BEGAIN: variants seen among roughly 807,000 people sequenced by gnomAD.
BEGAIN encodes brain-enriched guanylate kinase-associated protein.
BEGAIN carries 19 observed loss-of-function variants against 35.8 expected under a neutral mutation model. The ratio of observed to expected loss-of-function variants is 0.53; its 90% CI spans 0.37 to 0.78. The LOEUF (loss-of-function observed/expected upper bound fraction) is 0.78. Ranked by LOEUF, BEGAIN falls within the 30% of genes least tolerant of loss-of-function variation. The pLI, the probability that BEGAIN is intolerant of heterozygous loss-of-function variation, is 0.00. For missense variants in BEGAIN, 795 were observed against 853.6 expected, an observed-to-expected ratio of 0.93 and a Z score of 0.85; for synonymous variants, 462 against 388.6, an observed-to-expected ratio of 1.19 and a Z score of -2.22.
intron 3 of BEGAIN, chr14:100,545,316 T>C: frequency 7.4e-7 from 1 of 1,342,544 alleles, no homozygotes; most frequent in Non-Finnish European, 9.6e-7. Flanking sequence ...CGGGACCCCC[T>C]GAAGATGGGA....
chr14:100,538,192 T>C lies in BEGAIN; in HGVS notation c.1616A>G (p.Asp539Gly). 2 of 1,539,040 alleles carry C rather than the reference T, an allele frequency of 1.3e-6. No individual in the cohort carries two copies. Among genetic ancestry groups the C allele is most frequent in the South Asian group, 1.2e-5 (1 of 83,014 alleles). ...CAGCTGCACCCCGAGCCTGTCCCCG[T>C]CCCCCCCCTCGCTGGGTGCATAGCC... The part of the protein sequence containing the change: ...LPGYAPSEGG[D>G]GDRLGVQLCG... Residue 539 changes from aspartate to glycine, a missense_variant, in exon 7 of 7, where the codon GAC (aspartate) becomes GGC (glycine). Transcript: ENST00000554140.
rs1595151813 is a variant in BEGAIN, at chr14:100,577,809, G to C, written c.42+9440C>G. The C allele has an allele frequency of 2.3e-5, 9 of 399,306 alleles. No homozygotes were observed. The East Asian group carries it at 3.2e-4, about 14-fold the overall frequency. 24.7% of individuals were successfully genotyped at this position (399,306 alleles called of 1,614,324 possible). ...CCTTGGGGTTCCGACCTTGGCTGGG[G>C]CTTGGCATGTGGCTTCGAAGGTCCT... On this transcript the variant is annotated intron_variant, in intron 1 of 6. Transcript: ENST00000554140.
chr14:100,565,619 C>T (rs1161120821), intron 2 of BEGAIN, among the ~76,000 whole-genome samples: 1 of 152,164 alleles, frequency 6.6e-6, no homozygotes, highest in African/African-American at 2.4e-5. Context: ...GCAGACTCCA[C>T]AGTCCAGGGG....
intron 2 of BEGAIN, among the ~76,000 whole-genome samples, chr14:100,556,697 C>G (rs1439259866): frequency 1.3e-5 from 2 of 152,234 alleles, no homozygotes; most frequent in African/African-American, 4.8e-5. Context: ...CAGTCAGGGA[C>G]CCAGTGCCTG....
intron 1 of BEGAIN, among the ~76,000 whole-genome samples, chr14:100,584,616 G>A (rs1171562063): frequency 6.6e-6 from 1 of 152,142 alleles, no homozygotes; most frequent in African/African-American, 2.4e-5. Flanking sequence ...AATGATTAAA[G>A]CAATAGAGAC....
chr14:100,576,514 C>T (rs539408938), intron 1 of BEGAIN, among the ~76,000 whole-genome samples: 2 of 152,208 alleles, frequency 1.3e-5, no homozygotes, highest in Non-Finnish European at 2.9e-5. Context: ...GACCCCCTCC[C>T]GGCAGGAAAG....
intron 1 of BEGAIN, among the ~76,000 whole-genome samples, chr14:100,575,589 G>C (rs1595150583): frequency 6.6e-6 from 1 of 152,302 alleles, no homozygotes; most frequent in South Asian, 2.1e-4. Flanking sequence ...TGAGGCTGGA[G>C]CTGAGGGGCT....
At position 100,538,013 on chromosome 14, in the gene BEGAIN, C is replaced by T. The variant is rs377028090; in HGVS notation, c.1795G>A (p.Asp599Asn). ...RTGGSGLSRK[D>N]SLTKAQLYGT... Reference sequence around the variant, plus strand: ...TAGAGCTGGGCCTTGGTGAGGCTGTCCTTGCGGCTCAGCCCCGAGCCACCA... The same window carrying T: ...TAGAGCTGGGCCTTGGTGAGGCTGTTCTTGCGGCTCAGCCCCGAGCCACCA... The change falls in exon 7 of 7, where the codon GAC (aspartate) becomes AAC (asparagine). Residue 599 changes from aspartate to asparagine, a missense_variant. Physicochemically the swap from Asp to Asn is conservative, Grantham distance 23 (BLOSUM62 1). Around this residue, in one of 3 missense-constraint regions of BEGAIN, gnomAD observed 664 missense variants for 647.7 expected, o/e 1.03. Transcript: ENST00000554140. The T allele has an allele frequency of 1.9e-6, 3 of 1,608,978 alleles. No homozygotes were observed. Among genetic ancestry groups the T allele is most frequent in the Non-Finnish European group, 2.5e-6 (3 of 1,178,738 alleles).
In BEGAIN at chr14:100,539,836, G is replaced by A. The variant is rs566586648; in HGVS notation, c.493-521C>T. Among the ~76,000 whole-genome samples the A allele has an allele frequency of 4.6e-5, 7 of 152,320 alleles. No individual in the cohort carries two copies. The East Asian group carries it at 5.8e-4, about 13-fold the overall frequency. The stretch of plus-strand genomic sequence containing the variant: ...AAGATTGAGGGCCAGGGCTGAGAGC[G>A]CCTGGTGCCATGTGGGGGTGTCCCG... On this transcript the variant is annotated intron_variant, in intron 6 of 6. Transcript: ENST00000554140.
At chr14:100,549,828 G>A (rs2032992881) in intron 2 of BEGAIN, 1 of 152,358 alleles carries the variant, frequency 6.6e-6, no homozygotes, top group Admixed American at 6.5e-5. Context: ...CCTGCCCTGG[G>A]TGAAAAGGTG....
At chr14:100,543,200 C>T (rs181659876) in intron 5 of BEGAIN, among the ~76,000 whole-genome samples, 13 of 152,336 alleles carry the variant, frequency 8.5e-5, no homozygotes, top group African/African-American at 2.9e-4. Flanking sequence ...TCCCTGGTAC[C>T]GTTCTTCGCT....
intron 1 of BEGAIN, among the ~76,000 whole-genome samples, chr14:100,574,418 C>T (rs969145779): frequency 2.0e-5 from 3 of 152,116 alleles, no homozygotes; most frequent in African/African-American, 4.8e-5. Context: ...CTTTTCCCAG[C>T]TGTGCCCCGG....
intron 1 of BEGAIN, among the ~76,000 whole-genome samples, chr14:100,576,234 G>A (rs936599771): frequency 6.6e-6 from 1 of 152,144 alleles, no homozygotes; most frequent in Admixed American, 6.5e-5. Context: ...CCACCCACCG[G>A]CCTGTCCCTG....
chr14:100,545,518 C>G (rs1595113148), intron 3 of BEGAIN: 1 of 838,906 alleles, frequency 1.2e-6, no homozygotes, highest in South Asian at 5.4e-5. Context: ...GTGAACAAGA[C>G]TCGGTTCTGC....
At chr14:100,578,484 T>G (rs2139758194) in intron 1 of BEGAIN, among the ~76,000 whole-genome samples, 1 of 152,350 alleles carries the variant, frequency 6.6e-6, no homozygotes, top group Admixed American at 6.5e-5. Context: ...CCATGCATCC[T>G]TATTACAGAG....
chr14:100,543,999 G>C, intron 4 of BEGAIN, 34 bp from the exon 5 acceptor site: 1 of 1,543,968 alleles, frequency 6.5e-7, no homozygotes, highest in East Asian at 2.4e-5. Flanking sequence ...GGAGGCCCGT[G>C]GTTGGCTCCT....
intron 2 of BEGAIN, chr14:100,550,458 C>G (rs189467447): frequency 2.5e-6 from 1 of 399,226 alleles, no homozygotes; most frequent in South Asian, 1.3e-4. Context: ...CCAGCCGGCC[C>G]TGCAGTACTC....
chr14:100,567,846 T>A lies in BEGAIN; in HGVS notation c.71+65A>T. The stretch of plus-strand genomic sequence containing the variant: ...TCGGGTGGAGCCCCCTTCCCCCGCC[T>A]TCCCCAGCGCCCTCACCCCCGACCC... On this transcript the variant is annotated intron_variant, in intron 2 of 6. Coordinates refer to ENST00000554140, the MANE Select transcript of BEGAIN (RefSeq NM_001385089.1). This position sits in a 1 kb window ranked among gnomAD's most constrained non-coding sequence, Gnocchi z 5.1. 32 of 1,318,446 alleles carry A rather than the reference T, an allele frequency of 2.4e-5. No individual in the cohort carries two copies. The highest frequency in any genetic ancestry group is 3.2e-5 in the African/African-American group (2 of 62,860). The allele number at this position is 1,318,446 out of a possible 1,614,324, so 81.7% of individuals were successfully genotyped here.
intron 2 of BEGAIN, among the ~76,000 whole-genome samples, chr14:100,559,346 C>T (rs966398166): frequency 4.6e-5 from 7 of 152,194 alleles, no homozygotes; most frequent in African/African-American, 7.2e-5. Context: ...ACCTTGGCCC[C>T]GGATCCCCTG....
Sources: gnomAD v4.1 joint callset for allele counts (sites outside exome capture counted in the v4.1 genomes callset) on GRCh38, gnomAD v4.1.1 for gene constraint, gnomAD v4.1.1 regional missense constraint, Gnocchi (gnomAD v3.1) non-coding constraint, MANE v1.5 for transcripts, NCBI Gene and HGNC (gene_info 2026-07-23, HGNC 2026-07-21) for gene names.